The following NELFCD variants were observed in gnomAD, a reference collection of about 807,000 sequenced individuals.
The protein encoded by NELFCD is negative elongation factor complex member C/D.
Under a neutral mutation model 72.9 loss-of-function variants are expected in NELFCD, and 48 were observed. The observed-to-expected ratio is 0.66, with a 90% CI of 0.52 to 0.84. NELFCD has a LOEUF of 0.84. Ranked by LOEUF, NELFCD falls within the 40% of genes least tolerant of loss-of-function variation. The probability of loss-of-function intolerance (pLI) is 0.00; values close to 1 mark genes in which losing one functional copy is unlikely to be tolerated. For missense variants in NELFCD, 538 were observed against 723.8 expected, an observed-to-expected ratio of 0.74 and a Z score of 2.94; for synonymous variants, 297 against 280.6, an observed-to-expected ratio of 1.06 and a Z score of -0.59.
In NELFCD at chr20:58,989,509, CA is replaced by C. The variant is rs752252793; in HGVS notation, c.527del (p.Gln176ArgfsTer14). Reference sequence around the variant, plus strand: ...CTAGCTTATTTCTGACGCAGGGTACCAGGGGGAGATCACCAGTGTGTCCACA... The same window carrying C: ...CTAGCTTATTTCTGACGCAGGGTACCGGGGGAGATCACCAGTGTGTCCACA... ...TVKLISDAGY[Q>X]GEITSVSTAC... On this transcript the variant is annotated frameshift_variant, in exon 6 of 15. Transcript: ENST00000652272. LOFTEE classifies it high-confidence loss of function. The C allele has an allele frequency of 1.4e-5, 23 of 1,614,034 alleles. No individual in the cohort carries two copies. The highest frequency in any genetic ancestry group is 5.3e-5 in the African/African-American group (4 of 74,906).
At position 58,993,139 on chromosome 20, in the gene NELFCD, C is replaced by A. The variant is rs2091829856; in HGVS notation, c.1344+27C>A. ...TAAGAGGGCGGAGAGCTGTTCACAG[C>A]CTACACAGTGTCTGTCTCATGCTGT... On this transcript the variant is annotated intron_variant, in intron 11 of 14. Coordinates refer to ENST00000652272, the MANE Select transcript of NELFCD (RefSeq NM_198976.4). This position sits in a 1 kb window ranked among gnomAD's most constrained non-coding sequence, Gnocchi z 5.0. The A allele has an allele frequency of 6.7e-7, 1 of 1,496,926 alleles. No individual in the cohort carries two copies. Among genetic ancestry groups the A allele is most frequent in the Non-Finnish European group, 9.3e-7 (1 of 1,073,082 alleles). The allele number at this position is 1,496,926 out of a possible 1,614,324, so 92.7% of individuals were successfully genotyped here.
Position 58,993,512 on chromosome 20 carries a change from A to T in NELFCD, c.1408A>T (p.Thr470Ser). ...VLQLLVKLFETEHSQLDVMEQ... is the reference protein window; with the variant it reads ...VLQLLVKLFESEHSQLDVMEQ... ...GCAGCTGCTTGTTAAGCTTTTTGAG[A>T]CTGAGCACTCCCAGCTGGACGTGAT... Residue 470 changes from threonine (T) to serine (S), a missense_variant, in exon 12 of 15, where the codon ACT (threonine) becomes TCT (serine). Coordinates refer to ENST00000652272, the MANE Select transcript of NELFCD (RefSeq NM_198976.4). This position sits in a 1 kb window ranked among gnomAD's most constrained non-coding sequence, Gnocchi z 5.0. The T allele has an allele frequency of 1.2e-6, 2 of 1,614,120 alleles. No individual in the cohort carries two copies. Among genetic ancestry groups the T allele is most frequent in the South Asian group, 2.2e-5 (2 of 91,072 alleles).
At chr20:58,988,185 A>G (rs2091786617) in intron 4 of NELFCD, among the ~76,000 whole-genome samples, 1 of 152,174 alleles carries the variant, frequency 6.6e-6, no homozygotes, top group Admixed American at 6.5e-5. Flanking sequence ...GGAAGCGACT[A>G]TGAGGGAAGA....
intron 1 of NELFCD, among the ~76,000 whole-genome samples, chr20:58,983,139 C>CT (rs372138052): frequency 0.18 from 23,700 of 134,534 alleles, 2,319 homozygotes; most frequent in South Asian, 0.23. Flanking sequence ...GCCTTTTTTT[C>CT]TTTTTTTTTT....
At chr20:58,985,178 T>A (rs2146348765) in intron 1 of NELFCD, among the ~76,000 whole-genome samples, 1 of 152,248 alleles carries the variant, frequency 6.6e-6, no homozygotes, top group South Asian at 2.1e-4. Context: ...TCCGTAAAAG[T>A]TTATTTGCAA....
chr20:58,982,099 AC>A (rs2091738073), intron 1 of NELFCD, among the ~76,000 whole-genome samples: 1 of 146,488 alleles, frequency 6.8e-6, no homozygotes, highest in African/African-American at 2.5e-5. Context: ...TCCCCTGGAG[AC>A]GGCCCAACAG....
rs1443876657 is a variant in NELFCD at position 58,991,070 on chromosome 20, G to A, written c.949G>A (p.Glu317Lys). 6.2e-7 allele frequency: 1 copy of A among 1,612,898 alleles called. No individual in the cohort carries two copies. The highest frequency in any genetic ancestry group is 1.3e-5 in the African/African-American group (1 of 75,030). Reference sequence around the variant, plus strand: ...CACAAGCATGGACCCTCCTCCGGTTGAACTTGTAAGTTGCTTCTCAAGAAT... The same window carrying A: ...CACAAGCATGGACCCTCCTCCGGTTAAACTTGTAAGTTGCTTCTCAAGAAT... ...MFTSMDPPPVELIRVPAFLDL... is the reference protein window; with the variant it reads ...MFTSMDPPPVKLIRVPAFLDL... The change falls in exon 8 of 15, where the codon GAA becomes AAA. Residue 317 changes from glutamate to lysine, a missense_variant. Glu to Lys is a moderately conservative substitution (Grantham distance 56, BLOSUM62 1). This residue lies in a region of NELFCD where 355 missense variants were observed against 534.5 expected (regional missense o/e 0.66). Coordinates refer to ENST00000652272, the MANE Select transcript of NELFCD (RefSeq NM_198976.4).
chr20:58,984,809 T>G (rs1251066492), intron 1 of NELFCD, among the ~76,000 whole-genome samples: 1 of 151,472 alleles, frequency 6.6e-6, no homozygotes, highest in Non-Finnish European at 1.5e-5. Context: ...ACCCAAGAGG[T>G]GGTGGAAGAG....
At chr20:58,982,061 A>C (rs1320401681) in intron 1 of NELFCD, among the ~76,000 whole-genome samples, 5 of 150,592 alleles carry the variant, frequency 3.3e-5, no homozygotes, top group African/African-American at 1.2e-4. Flanking sequence ...ACTGAGGCGC[A>C]TGATTGAAAT....
intron 14 of NELFCD, among the ~76,000 whole-genome samples, 183 bp downstream of exon 14, chr20:58,994,422 G>A (rs1309094893): frequency 6.6e-6 from 1 of 152,082 alleles, no homozygotes; most frequent in South Asian, 2.1e-4. Context: ...CATTAGCTGG[G>A]CATGGTGGCA....
chr20:58,994,208 A>G lies in NELFCD; in HGVS notation c.1680A>G (p.Glu560=). The change falls in exon 14 of 15, where the codon GAA becomes GAG. Residue 560 remains glutamate (E), a synonymous_variant. Transcript: ENST00000652272. ...NDSIAGTIKT[E]GEHDPVTEFI... The stretch of plus-strand genomic sequence containing the variant: ...GCATCGCAGGTACCATCAAAACGGA[A>G]GGCGAGCATGACCCTGTGACGGAGT... 1 of 1,614,196 alleles carries G rather than the reference A, an allele frequency of 6.2e-7. No individual in the cohort carries two copies. Among genetic ancestry groups the G allele is most frequent in the Non-Finnish European group, 8.5e-7 (1 of 1,180,014 alleles).
chr20:58,991,986 G>C lies in NELFCD; in HGVS notation c.1195G>C (p.Val399Leu). The change falls in exon 10 of 15, where the codon GTG becomes CTG. Residue 399 changes from valine (V) to leucine (L), a missense_variant. Val to Leu is a conservative substitution (Grantham distance 32, BLOSUM62 1). Around this residue, in one of 3 missense-constraint regions of NELFCD, gnomAD observed 355 missense variants for 534.5 expected, o/e 0.66. Transcript: ENST00000652272. ...CGAGAACAAAGGGGCCTCTGAACTAGTGGCAGAATTGAGCACACTTTATCA... is the reference window on the plus strand; with the variant it reads ...CGAGAACAAAGGGGCCTCTGAACTACTGGCAGAATTGAGCACACTTTATCA... The part of the protein sequence containing the change: ...CNENKGASEL[V>L]AELSTLYQCI... 1 of 1,614,226 alleles carries C rather than the reference G, an allele frequency of 6.2e-7. No homozygotes were observed. Among genetic ancestry groups the C allele is most frequent in the South Asian group, 1.1e-5 (1 of 91,088 alleles).
intron 1 of NELFCD, among the ~76,000 whole-genome samples, chr20:58,981,765 A>G (rs901047411): frequency 6.6e-6 from 1 of 152,198 alleles, no homozygotes; most frequent in Non-Finnish European, 1.5e-5. Context: ...ACTTTTAAAC[A>G]AAAATAAAGT....
At chr20:58,989,102 C>A in intron 5 of NELFCD, 81 bp downstream of exon 5, 1 of 1,052,390 alleles carries the variant, frequency 9.5e-7, no homozygotes, top group Non-Finnish European at 1.5e-6. Flanking sequence ...TTTGACAGTT[C>A]ATATTTGCTT....
Position 58,989,722 on chromosome 20 carries a change from G to A in NELFCD, c.657+82G>A, listed in dbSNP as rs559769118. ...TTCAAGCATGAGATGCTCCTTCCCT[G>A]GAGAGAATCTCCATTTCTGAGGGCA... is the stretch of plus-strand genomic sequence containing the variant. On this transcript the variant is annotated intron_variant, in intron 6 of 14. Transcript: ENST00000652272. 2.5e-6 allele frequency: 4 copies of A among 1,606,430 alleles called. No homozygotes were observed. In the Admixed American group the frequency reaches 5.0e-5, roughly 20 times the overall value.
chr20:58,989,875 G>A lies in NELFCD; in HGVS notation c.675G>A (p.Gly225=). Residue 225 remains glycine, a synonymous_variant, in exon 7 of 15, where the codon GGG becomes GGA. Coordinates refer to ENST00000652272, the MANE Select transcript of NELFCD (RefSeq NM_198976.4). Reference sequence around the variant, plus strand: ...TCTTGCAGAAGATGGTGTGCCACGGGGAGCACACGTACCTGTTTGCCCAGG... The same window carrying A: ...TCTTGCAGAAGATGGTGTGCCACGGAGAGCACACGTACCTGTTTGCCCAGG... ...LPEFAKMVCH[G]EHTYLFAQAM... is the part of the protein sequence containing the mutation. 3.7e-6 allele frequency: 6 copies of A among 1,614,196 alleles called. No homozygotes were observed. Among genetic ancestry groups the A allele is most frequent in the Non-Finnish European group, 4.2e-6 (5 of 1,180,042 alleles).
At position 58,986,657 on chromosome 20, in the gene NELFCD, A is replaced by T. The variant is rs2091774841; in HGVS notation, c.177-97A>T. ...TGCACCCAGCCCCCTCCGCTGCTTT[A>T]AAAATTTTGAAACCTGATTCTCTTC... On this transcript the variant is annotated intron_variant, in intron 2 of 14. Transcript: ENST00000652272. The surrounding 1 kb of genome is among the most constrained non-coding windows in gnomAD (Gnocchi z 4.4). 3 of 885,584 alleles carry T rather than the reference A, an allele frequency of 3.4e-6. No individual in the cohort carries two copies. In the Admixed American group the frequency reaches 5.1e-5, roughly 15 times the overall value. The allele number at this position is 885,584 out of a possible 1,614,324, so 54.9% of individuals were successfully genotyped here.
intron 8 of NELFCD, 34 bp from the exon 9 acceptor site, chr20:58,991,278 T>A: frequency 1.9e-6 from 3 of 1,613,406 alleles, no homozygotes; most frequent in Non-Finnish European, 2.5e-6. Flanking sequence ...CCCTCACGCC[T>A]GCCATCCCGA....
In NELFCD at chr20:58,991,200, A is replaced by C; in HGVS notation, c.955-112A>C. ...ATTGTCCTGGTCCTTCCTCAGTCAC[A>C]CTCTCTGCCTGGAGCCTGTTGGGCC... On this transcript the variant is annotated intron_variant, in intron 8 of 14. Transcript: ENST00000652272. 3 of 1,558,004 alleles carry C rather than the reference A, an allele frequency of 1.9e-6. No individual in the cohort carries two copies. The African/African-American group carries it at 4.1e-5, about 21-fold the overall frequency.
Sources: gnomAD v4.1 joint callset for allele counts (sites outside exome capture counted in the v4.1 genomes callset) on GRCh38, gnomAD v4.1.1 for gene constraint, gnomAD v4.1.1 regional missense constraint, Gnocchi (gnomAD v3.1) non-coding constraint, MANE v1.5 for transcripts, NCBI Gene and HGNC (gene_info 2026-07-23, HGNC 2026-07-21) for gene names.